HS6ST3: variants seen among roughly 807,000 people sequenced by gnomAD.
HS6ST3 encodes the protein heparan-sulfate 6-O-sulfotransferase 3.
A neutral mutation model predicts 36.7 loss-of-function variants in HS6ST3; 12 were observed. The ratio of observed to expected loss-of-function variants is 0.33; its 90% CI spans 0.21 to 0.53. The LOEUF is 0.53. HS6ST3 is among the 20% of genes least tolerant of loss of function. The pLI is 0.95. For synonymous variants in HS6ST3, 240 were observed against 257.5 expected, an observed-to-expected ratio of 0.93 and a Z score of 0.65; for missense variants, 584 against 640.9, an observed-to-expected ratio of 0.91 and a Z score of 0.96.
At chr13:96,574,384 C>A in intron 1 of HS6ST3, 1 of 479,940 alleles carries the variant, frequency 2.1e-6, no homozygotes, top group South Asian at 2.0e-5. Flanking sequence ...GAAAAATGGT[C>A]AAACTCACCA....
chr13:96,416,070 G>A (rs1326788991), intron 1 of HS6ST3, among the ~76,000 whole-genome samples: 2 of 152,286 alleles, frequency 1.3e-5, no homozygotes, highest in South Asian at 4.1e-4. Flanking sequence ...TGCTGTTTCT[G>A]CTATTTTGGA....
chr13:96,573,282 C>T (rs980749941), intron 1 of HS6ST3, among the ~76,000 whole-genome samples: 3 of 152,094 alleles, frequency 2.0e-5, no homozygotes, highest in African/African-American at 4.8e-5. Context: ...GACTAAAGTA[C>T]CTTTTATTTT....
chr13:96,176,236 G>T (rs1319615602), intron 1 of HS6ST3, among the ~76,000 whole-genome samples: 2 of 152,092 alleles, frequency 1.3e-5, no homozygotes, highest in African/African-American at 4.8e-5. Flanking sequence ...AATTACCTCT[G>T]TAAGATACAA....
chr13:96,402,291 A>T (rs949026973), intron 1 of HS6ST3, among the ~76,000 whole-genome samples: 6 of 152,246 alleles, frequency 3.9e-5, no homozygotes, highest in African/African-American at 1.4e-4. Context: ...AATAGCACTT[A>T]CCTCATAAAA....
At chr13:96,588,847 C>T (rs1019079253) in intron 1 of HS6ST3, among the ~76,000 whole-genome samples, 29 of 151,658 alleles carry the variant, frequency 1.9e-4, no homozygotes, top group African/African-American at 6.8e-4. Flanking sequence ...CCCAGGAATT[C>T]GAGACCAGCC....
At position 96,099,068 on chromosome 13, in the gene HS6ST3, C is replaced by T. The variant is rs142838976; in HGVS notation, c.707+7499C>T. Among the ~76,000 whole-genome samples, 1,281 of 152,154 alleles carry T rather than the reference C, an allele frequency of 8.4e-3. 12 individuals carry two copies. Among genetic ancestry groups the T allele is most frequent in the African/African-American group, 0.03 (1,231 of 41,508 alleles). On this transcript the variant is annotated intron_variant, in intron 1 of 1. Coordinates refer to ENST00000376705, the MANE Select transcript of HS6ST3 (RefSeq NM_153456.4). ...AAGCAATTCTCCTGCCTCAGCCTCCCGAGTAGCTGGGATTAAAGGCGCCCA... is the reference window on the plus strand; with the variant it reads ...AAGCAATTCTCCTGCCTCAGCCTCCTGAGTAGCTGGGATTAAAGGCGCCCA...
chr13:96,257,468 G>A (rs1417561486), intron 1 of HS6ST3, among the ~76,000 whole-genome samples: 2 of 152,156 alleles, frequency 1.3e-5, no homozygotes, highest in African/African-American at 4.8e-5. Context: ...ACAAAGACTA[G>A]TGCCAAACTG....
At chr13:96,116,187 CT>C (rs1365008922) in intron 1 of HS6ST3, among the ~76,000 whole-genome samples, 2 of 152,192 alleles carry the variant, frequency 1.3e-5, no homozygotes, top group African/African-American at 4.8e-5. Context: ...GGAATTAGCT[CT>C]CCTTCAACGA....
At chr13:96,570,104 ATAAT>A (rs1192206392) in intron 1 of HS6ST3, among the ~76,000 whole-genome samples, 1 of 152,214 alleles carries the variant, frequency 6.6e-6, no homozygotes, top group Non-Finnish European at 1.5e-5. Context: ...TTGTTTATAA[ATAAT>A]TAATAATTAC....
intron 1 of HS6ST3, among the ~76,000 whole-genome samples, chr13:96,118,129 C>T (rs1180499476): frequency 6.6e-6 from 1 of 152,104 alleles, no homozygotes; most frequent in Non-Finnish European, 1.5e-5. Context: ...ACATTGGCCT[C>T]CAAAAACTCT....
At chr13:96,445,343 AC>A (rs2055693022) in intron 1 of HS6ST3, among the ~76,000 whole-genome samples, 3 of 152,156 alleles carry the variant, frequency 2.0e-5, no homozygotes, top group African/African-American at 4.8e-5. Context: ...AAGGTATATG[AC>A]AGCTAAATGA....
At chr13:96,210,932 T>C (rs1342242132) in intron 1 of HS6ST3, among the ~76,000 whole-genome samples, 1 of 149,834 alleles carries the variant, frequency 6.7e-6, no homozygotes, top group Non-Finnish European at 1.5e-5. Context: ...ATGATTATTA[T>C]CTTTTTTTTT....
At position 96,834,125 on chromosome 13, in the gene HS6ST3, T is replaced by C. The variant is rs1240940894; in HGVS notation, c.*927T>C. ...AAGGAATATTTCAGAGTTTAATCTT[T>C]TTGGAGAAGTTATGTTCTTTAATCG... On this transcript the variant is annotated 3_prime_UTR_variant, in exon 2 of 2. Coordinates refer to ENST00000376705, the MANE Select transcript of HS6ST3 (RefSeq NM_153456.4). 2 of 152,192 alleles carry C rather than the reference T, an allele frequency of 1.3e-5. No individual in the cohort carries two copies. Among genetic ancestry groups the C allele is most frequent in the Non-Finnish European group, 2.9e-5 (2 of 68,036 alleles). 9.4% of individuals were successfully genotyped at this position (152,192 alleles called of 1,614,324 possible).
intron 1 of HS6ST3, among the ~76,000 whole-genome samples, chr13:96,422,169 T>C (rs1327933211): frequency 1.3e-5 from 2 of 152,226 alleles, no homozygotes; most frequent in Admixed American, 6.5e-5. Context: ...GCGATGGCAG[T>C]CTGTCCTGGC....
intron 1 of HS6ST3, among the ~76,000 whole-genome samples, chr13:96,441,345 A>C (rs935392027): frequency 2.0e-5 from 3 of 151,834 alleles, no homozygotes; most frequent in Non-Finnish European, 4.4e-5. Context: ...AATGGCAGGG[A>C]TGGTTCCACA....
At chr13:96,658,177 G>T (rs1489748016) in intron 1 of HS6ST3, among the ~76,000 whole-genome samples, 2 of 150,026 alleles carry the variant, frequency 1.3e-5, no homozygotes, top group African/African-American at 4.9e-5. Flanking sequence ...ATTGTTGCAT[G>T]TATTATTAGC....
At chr13:96,380,125 C>G (rs953887177) in intron 1 of HS6ST3, among the ~76,000 whole-genome samples, 1 of 152,168 alleles carries the variant, frequency 6.6e-6, no homozygotes, top group African/African-American at 2.4e-5. Flanking sequence ...GCAAGCAGCT[C>G]TCTGCTTCAT....
chr13:96,728,719 A>T (rs1876066806), intron 1 of HS6ST3, among the ~76,000 whole-genome samples: 1 of 152,162 alleles, frequency 6.6e-6, no homozygotes, highest in African/African-American at 2.4e-5. Context: ...CATAATCATG[A>T]TTTTAATCAA....
chr13:96,402,639 G>T (rs1328183086), intron 1 of HS6ST3, among the ~76,000 whole-genome samples: 1 of 152,108 alleles, frequency 6.6e-6, no homozygotes, highest in Non-Finnish European at 1.5e-5. Flanking sequence ...TCTTCTCCCT[G>T]CTGTAGTAGA....
Sources: gnomAD v4.1 joint callset for allele counts (sites outside exome capture counted in the v4.1 genomes callset) on GRCh38, gnomAD v4.1.1 for gene constraint, MANE v1.5 for transcripts, NCBI Gene and HGNC (gene_info 2026-07-23, HGNC 2026-07-21) for gene names.